NLGN1: variants seen among roughly 807,000 people sequenced by gnomAD.
NLGN1 encodes neuroligin 1.
Under a neutral mutation model 65.5 loss-of-function variants are expected in NLGN1, and 12 were observed. The ratio of observed to expected loss-of-function variants is 0.18; its 90% CI spans 0.12 to 0.30. The LOEUF (loss-of-function observed/expected upper bound fraction) is 0.30. Among genes scored for constraint, NLGN1 ranks in the 10% least tolerant of loss-of-function variants. The probability of loss-of-function intolerance (pLI) is 1.00; values close to 1 mark genes in which losing one functional copy is unlikely to be tolerated. For missense variants in NLGN1, 750 were observed against 1,007.1 expected, an observed-to-expected ratio of 0.74 and a Z score of 3.46; for synonymous variants, 350 against 359.5, an observed-to-expected ratio of 0.97 and a Z score of 0.30.
intron 3 of NLGN1, among the ~76,000 whole-genome samples, chr3:173,726,074 T>C (rs1418812820): frequency 6.6e-6 from 1 of 152,018 alleles, no homozygotes; most frequent in African/African-American, 2.4e-5. Flanking sequence ...GAACATAACT[T>C]AATCAAGGGA....
intron 4 of NLGN1, among the ~76,000 whole-genome samples, chr3:174,181,976 C>CAAAAAAA (rs551914698): frequency 1.6e-4 from 7 of 44,390 alleles, no homozygotes; most frequent in African/African-American, 4.3e-4. Context: ...GACTTGGTGT[C>CAAAAAAA]AAAAAAAAAA....
intron 4 of NLGN1, among the ~76,000 whole-genome samples, chr3:173,868,739 C>T (rs542915603): frequency 7.9e-5 from 12 of 152,252 alleles, no homozygotes; most frequent in African/African-American, 2.4e-4. Context: ...GGGGCCCTAT[C>T]TCCAAAGAAT....
intron 4 of NLGN1, among the ~76,000 whole-genome samples, chr3:174,104,919 A>C (rs1031450382): frequency 9.9e-5 from 15 of 152,172 alleles, no homozygotes; most frequent in African/African-American, 3.6e-4. Context: ...TCTGGGGTCA[A>C]AGATGGCTTC....
chr3:173,524,818 T>A (rs897202928), intron 2 of NLGN1, among the ~76,000 whole-genome samples: 2 of 152,200 alleles, frequency 1.3e-5, no homozygotes, highest in African/African-American at 4.8e-5. Context: ...TCTATTGAGA[T>A]GATTATATAG....
intron 3 of NLGN1, among the ~76,000 whole-genome samples, chr3:173,746,407 G>T (rs1167942380): frequency 6.6e-6 from 1 of 151,768 alleles, no homozygotes; most frequent in African/African-American, 2.4e-5. Context: ...TTTACACTTG[G>T]CCCTTTGCTT....
intron 2 of NLGN1, among the ~76,000 whole-genome samples, chr3:173,490,688 A>T (rs1329580858): frequency 6.6e-6 from 1 of 152,164 alleles, no homozygotes; most frequent in African/African-American, 2.4e-5. Context: ...CTTGGGCAGT[A>T]TGGCGATTTT....
At chr3:174,064,609 T>C (rs185581071) in intron 4 of NLGN1, among the ~76,000 whole-genome samples, 1 of 150,232 alleles carries the variant, frequency 6.7e-6, no homozygotes, top group Non-Finnish European at 1.5e-5. Context: ...TTAATAAGGA[T>C]ATATGAGAAT....
chr3:173,456,073 T>C (rs116580823), intron 2 of NLGN1, among the ~76,000 whole-genome samples: 10,573 of 152,178 alleles, frequency 0.069, 427 homozygotes, highest in Middle Eastern at 0.2. Flanking sequence ...TCTGCTTTAG[T>C]AAGACATCAA....
intron 3 of NLGN1, among the ~76,000 whole-genome samples, chr3:173,649,403 A>G (rs1367039321): frequency 6.6e-6 from 1 of 152,162 alleles, no homozygotes; most frequent in Non-Finnish European, 1.5e-5. Flanking sequence ...ACTATTACAT[A>G]TACATGTCAT....
intron 2 of NLGN1, among the ~76,000 whole-genome samples, chr3:173,545,972 A>G (rs536413102): frequency 2.2e-4 from 34 of 152,270 alleles, no homozygotes; most frequent in Admixed American, 1.8e-3. Context: ...AAGGGATAGC[A>G]TTAGGAGAAA....
intron 3 of NLGN1, among the ~76,000 whole-genome samples, chr3:173,770,369 T>A (rs1779400162): frequency 6.6e-6 from 1 of 152,218 alleles, no homozygotes; most frequent in Non-Finnish European, 1.5e-5. Context: ...CGTTGGTTGA[T>A]CTAAAGAGGA....
At chr3:173,639,080 A>C (rs1757024732) in intron 3 of NLGN1, among the ~76,000 whole-genome samples, 1 of 152,218 alleles carries the variant, frequency 6.6e-6, no homozygotes, top group Admixed American at 6.5e-5. Flanking sequence ...TTGGGCATGA[A>C]TCTTTGATAT....
chr3:174,077,210 C>A (rs1741201446), intron 4 of NLGN1, among the ~76,000 whole-genome samples: 1 of 151,756 alleles, frequency 6.6e-6, no homozygotes, highest in South Asian at 2.1e-4. Flanking sequence ...CCTATTCCCA[C>A]TTTTAAAATG....
chr3:173,820,111 G>A (rs752871611), intron 4 of NLGN1, among the ~76,000 whole-genome samples: 2 of 151,716 alleles, frequency 1.3e-5, no homozygotes, highest in Non-Finnish European at 1.5e-5. Flanking sequence ...CCCGGGAGGC[G>A]GAGCTTGCAG....
At chr3:173,810,539 G>A (rs1182470520) in intron 4 of NLGN1, among the ~76,000 whole-genome samples, 1 of 152,172 alleles carries the variant, frequency 6.6e-6, no homozygotes, top group South Asian at 2.1e-4. Flanking sequence ...GCGACTGGTT[G>A]GAACAATCAG....
chr3:173,604,335 G>GC lies in NLGN1; in HGVS notation c.-261dup. On this transcript the variant is annotated 5_prime_UTR_variant, in exon 3 of 7. The change creates a premature stop within an existing upstream ORF in the 5' untranslated region. Coordinates refer to ENST00000457714, the Ensembl canonical transcript of NLGN1. ...TATAAGAGAGAAATCTGCAGTCAAT[G>GC]CCCACTCTTGCCACACTGCTAATAT... 1 of 441,554 alleles carries GC rather than the reference G, an allele frequency of 2.3e-6. No homozygotes were observed. The highest frequency in any genetic ancestry group is 4.0e-6 in the Non-Finnish European group (1 of 247,420). 27.4% of individuals were successfully genotyped at this position (441,554 alleles called of 1,614,324 possible).
chr3:174,101,054 T>C (rs1435964078), intron 4 of NLGN1, among the ~76,000 whole-genome samples: 1 of 152,124 alleles, frequency 6.6e-6, no homozygotes, highest in African/African-American at 2.4e-5. Context: ...CTGTCAACTA[T>C]GTGATATCAA....
At chr3:173,519,680 T>C (rs576838764) in intron 2 of NLGN1, among the ~76,000 whole-genome samples, 55 of 152,362 alleles carry the variant, frequency 3.6e-4, no homozygotes, top group African/African-American at 1.2e-3. Flanking sequence ...TGAATGCCTA[T>C]ATCCCCATTG....
At chr3:174,178,488 C>A (rs568084694) in intron 4 of NLGN1, among the ~76,000 whole-genome samples, 5 of 152,232 alleles carry the variant, frequency 3.3e-5, no homozygotes, top group Admixed American at 2.6e-4. Flanking sequence ...AAATGCAAAT[C>A]TCCCATTAGG....
Sources: allele counts gnomAD v4.1 joint callset (sites outside exome capture counted in the v4.1 genomes callset), GRCh38; gene constraint gnomAD v4.1.1; transcripts MANE v1.5; gene names NCBI Gene and HGNC (gene_info 2026-07-23, HGNC 2026-07-21).